POU6F2: variants seen among roughly 807,000 people sequenced by gnomAD.
POU6F2 encodes the protein POU domain, class 6, transcription factor 2.
POU6F2 carries 31 observed loss-of-function variants against 71.3 expected under a neutral mutation model. That is an observed-to-expected ratio of 0.43 (90% confidence interval 0.33 to 0.59). The LOEUF is 0.59. Ranked by LOEUF, POU6F2 falls within the 20% of genes least tolerant of loss-of-function variation. The pLI is 0.04. For synonymous variants in POU6F2, 347 were observed against 355.7 expected, an observed-to-expected ratio of 0.98 and a Z score of 0.27; for missense variants, 783 against 856.8, an observed-to-expected ratio of 0.91 and a Z score of 1.07.
At chr7:39,162,863 G>A (rs958344170) in intron 2 of POU6F2, among the ~76,000 whole-genome samples, 11 of 152,098 alleles carry the variant, frequency 7.2e-5, no homozygotes, top group African/African-American at 2.7e-4. Flanking sequence ...TTGGGTAAAT[G>A]CTGTTATAGA....
intron 4 of POU6F2, among the ~76,000 whole-genome samples, chr7:39,284,071 G>A (rs1030250984): frequency 6.6e-6 from 1 of 152,040 alleles, no homozygotes; most frequent in African/African-American, 2.4e-5. Context: ...AAGCCTCTCC[G>A]GTATTATCAA....
Position 39,460,740 on chromosome 7 carries a change from C to T in POU6F2, c.1658+25C>T. ...GGTAACGCGCGCCTGCATGCTGTCACCTCTTCTAGCCGCCCTGGGCCTCAT... is the reference window on the plus strand; with the variant it reads ...GGTAACGCGCGCCTGCATGCTGTCATCTCTTCTAGCCGCCCTGGGCCTCAT... On this transcript the variant is annotated intron_variant, in intron 9 of 9. Coordinates refer to ENST00000518318, the MANE Select transcript of POU6F2 (RefSeq NM_001370959.1). This position sits in a 1 kb window ranked among gnomAD's most constrained non-coding sequence, Gnocchi z 4.4. 2 of 1,546,962 alleles carry T rather than the reference C, an allele frequency of 1.3e-6. No individual in the cohort carries two copies. Among genetic ancestry groups the T allele is most frequent in the African/African-American group, 2.7e-5 (2 of 73,222 alleles).
chr7:39,154,067 G>A (rs1792812976), intron 2 of POU6F2, among the ~76,000 whole-genome samples: 1 of 152,192 alleles, frequency 6.6e-6, no homozygotes, highest in African/African-American at 2.4e-5. Context: ...GAGAAATACT[G>A]TTGTAAACAC....
chr7:39,340,641 A>G (rs547214889), intron 5 of POU6F2, among the ~76,000 whole-genome samples: 1 of 152,290 alleles, frequency 6.6e-6, no homozygotes, highest in South Asian at 2.1e-4. Flanking sequence ...TAAAACTTCT[A>G]TAGGTTTACT....
chr7:39,216,858 A>G (rs189703706), intron 4 of POU6F2, among the ~76,000 whole-genome samples: 418 of 152,294 alleles, frequency 2.7e-3, no homozygotes, highest in Non-Finnish European at 4.5e-3. Context: ...CAGATACAGA[A>G]GCTGACAGTA....
intron 4 of POU6F2, among the ~76,000 whole-genome samples, chr7:39,301,271 TCATGG>T (rs1318742708): frequency 6.6e-6 from 1 of 152,206 alleles, no homozygotes; most frequent in Non-Finnish European, 1.5e-5. Context: ...CCCTTGCAAA[TCATGG>T]CATCCAGAAC....
chr7:39,124,045 G>C (rs1237254615), intron 2 of POU6F2, among the ~76,000 whole-genome samples: 2 of 116,706 alleles, frequency 1.7e-5, no homozygotes, highest in Admixed American at 2.4e-4. Context: ...CCATAGACTG[G>C]GCCTTTTTTT....
rs1307425457 is a variant in POU6F2, at chr7:39,460,513, C to T, written c.1490-34C>T. On this transcript the variant is annotated intron_variant, in intron 8 of 9. Transcript: ENST00000518318. This position sits in a 1 kb window ranked among gnomAD's most constrained non-coding sequence, Gnocchi z 4.4. ...CAGATATTGCTCGGCTGTGTGTTGACGTATTGATCCTATTTTTAAAAACAT... is the reference window on the plus strand; with the variant it reads ...CAGATATTGCTCGGCTGTGTGTTGATGTATTGATCCTATTTTTAAAAACAT... The T allele has an allele frequency of 3.7e-6, 6 of 1,605,124 alleles. No homozygotes were observed. Among genetic ancestry groups the T allele is most frequent in the Admixed American group, 1.7e-5 (1 of 59,216 alleles).
intron 5 of POU6F2, among the ~76,000 whole-genome samples, chr7:39,375,235 A>G (rs1385195485): frequency 1.3e-5 from 2 of 152,208 alleles, no homozygotes; most frequent in Non-Finnish European, 1.5e-5. Context: ...GTTGCACCAT[A>G]TGACCCGGGA....
intron 5 of POU6F2, among the ~76,000 whole-genome samples, chr7:39,348,025 T>C (rs1007683968): frequency 3.5e-5 from 5 of 144,336 alleles, no homozygotes; most frequent in African/African-American, 1.2e-4. Flanking sequence ...TAACATATTG[T>C]GTAGTAGTCA....
At chr7:39,283,438 C>A (rs1277819701) in intron 4 of POU6F2, among the ~76,000 whole-genome samples, 1 of 152,154 alleles carries the variant, frequency 6.6e-6, no homozygotes, top group Non-Finnish European at 1.5e-5. Flanking sequence ...TCCCTCCACT[C>A]CCAAGCCCTT....
intron 4 of POU6F2, among the ~76,000 whole-genome samples, chr7:39,234,619 T>C (rs1276722393): frequency 6.6e-6 from 1 of 152,104 alleles, no homozygotes; most frequent in Non-Finnish European, 1.5e-5. Context: ...TGTGTTTTGT[T>C]TGTCTATTGG....
chr7:39,464,668 T>A lies in POU6F2; in HGVS notation c.2145T>A (p.Ser715=). 6.2e-7 allele frequency: 1 copy of A among 1,604,268 alleles called. No individual in the cohort carries two copies. Among genetic ancestry groups the A allele is most frequent in the South Asian group, 1.1e-5 (1 of 89,112 alleles). ...TCCCTTTGGAGCCCTTAACAGACTCTCTGGAAGAAAACTCCTAAAGAGATG... is the reference window on the plus strand; with the variant it reads ...TCCCTTTGGAGCCCTTAACAGACTCACTGGAAGAAAACTCCTAAAGAGATG... ...TAVPLEPLTD[S]LEENS The change falls in exon 10 of 10, where the codon TCT becomes TCA. Residue 715 remains serine, a synonymous_variant. Coordinates refer to ENST00000518318, the MANE Select transcript of POU6F2 (RefSeq NM_001370959.1). This position sits in a 1 kb window ranked among gnomAD's most constrained non-coding sequence, Gnocchi z 4.1.
rs1300516999 is a variant in POU6F2, at chr7:39,135,557, T to C, written c.277+49526T>C. Among the ~76,000 whole-genome samples the C allele has an allele frequency of 3.3e-5, 5 of 152,098 alleles. No individual in the cohort carries two copies. The East Asian group carries it at 9.7e-4, about 29-fold the overall frequency. On this transcript the variant is annotated intron_variant, in intron 2 of 9. Transcript: ENST00000518318. Reference sequence around the variant, plus strand: ...TACATCAAGTCAATAAGCCTACTAATTTAAAAAATGTTTATCTCGGTGGAT... The same window carrying C: ...TACATCAAGTCAATAAGCCTACTAACTTAAAAAATGTTTATCTCGGTGGAT...
At position 39,207,637 on chromosome 7, in the gene POU6F2, A is replaced by C; in HGVS notation, c.598+17A>C. ...ATCTACAAGGTAATCCATAATGTCC[A>C]TGCGCCACGTAAGGCTCTACCCGTT... On this transcript the variant is annotated intron_variant, in intron 4 of 9. Transcript: ENST00000518318. 6.2e-7 allele frequency: 1 copy of C among 1,605,884 alleles called. No individual in the cohort carries two copies. The highest frequency in any genetic ancestry group is 2.2e-5 in the East Asian group (1 of 44,580).
intron 4 of POU6F2, among the ~76,000 whole-genome samples, chr7:39,224,267 C>A (rs1437625894): frequency 2.0e-5 from 3 of 152,040 alleles, no homozygotes; most frequent in Non-Finnish European, 2.9e-5. Flanking sequence ...CAACTTCCAG[C>A]CAGAAAGTTG....
At chr7:39,408,762 T>C (rs1787489317) in intron 6 of POU6F2, among the ~76,000 whole-genome samples, 1 of 152,222 alleles carries the variant, frequency 6.6e-6, no homozygotes, top group Non-Finnish European at 1.5e-5. Context: ...AGTTCAAGAG[T>C]TAAAATACTC....
intron 2 of POU6F2, among the ~76,000 whole-genome samples, chr7:39,141,288 G>A (rs1405407838): frequency 6.6e-6 from 1 of 152,122 alleles, no homozygotes; most frequent in Non-Finnish European, 1.5e-5. Context: ...ATAGTCTTAG[G>A]AAAGCATCTT....
At chr7:39,221,358 A>T (rs1008078854) in intron 4 of POU6F2, among the ~76,000 whole-genome samples, 1 of 143,912 alleles carries the variant, frequency 6.9e-6, no homozygotes, top group Non-Finnish European at 1.5e-5. Context: ...ATTTCCATTG[A>T]TCAGAATCTA....
Sources: gnomAD v4.1 joint callset for allele counts (sites outside exome capture counted in the v4.1 genomes callset) on GRCh38, gnomAD v4.1.1 for gene constraint, Gnocchi (gnomAD v3.1) non-coding constraint, MANE v1.5 for transcripts, NCBI Gene and HGNC (gene_info 2026-07-23, HGNC 2026-07-21) for gene names.